Variants in COMMD1 observed in about 807,000 individuals in gnomAD.
COMMD1 encodes COMM domain-containing protein 1.
Under a neutral mutation model 17.2 loss-of-function variants are expected in COMMD1, and 10 were observed. That is an observed-to-expected ratio of 0.58 (90% CI 0.36 to 0.99). The LOEUF is 0.99. Among genes scored for constraint, COMMD1 ranks in the 50% least tolerant of loss-of-function variants. The probability of loss-of-function intolerance (pLI) is 0.01; values close to 1 mark genes in which losing one functional copy is unlikely to be tolerated. For synonymous variants in COMMD1, 97 were observed against 91.6 expected (o/e 1.06, Z -0.34); for missense variants, 270 against 231.8 (o/e 1.17, Z -1.07).
At chr2:61,906,751 AAAAAC>A (rs149143716) in intron 1 of COMMD1, among the ~76,000 whole-genome samples, 1,961 of 152,298 alleles carry the variant, frequency 0.013, 29 homozygotes, top group African/African-American at 0.044. Context: ...TTCTTGAAAA[AAAAAC>A]CTTATATAGT....
chr2:61,963,610 C>T (rs1401202494), intron 1 of COMMD1, among the ~76,000 whole-genome samples: 1 of 152,128 alleles, frequency 6.6e-6, no homozygotes, highest in African/African-American at 2.4e-5. Context: ...TCCCAAAGTG[C>T]TAGGATTACA....
intron 2 of COMMD1, among the ~76,000 whole-genome samples, chr2:62,045,594 G>T (rs1258005345): frequency 6.6e-6 from 1 of 151,044 alleles, no homozygotes; most frequent in Non-Finnish European, 1.5e-5. Flanking sequence ...TAGAGACAGG[G>T]TTTCACTATG....
intron 1 of COMMD1, among the ~76,000 whole-genome samples, chr2:61,954,293 A>G (rs1488260813): frequency 6.6e-6 from 1 of 152,156 alleles, no homozygotes; most frequent in African/African-American, 2.4e-5. Context: ...CTCTGAAATA[A>G]GTTTTTGCTT....
chr2:61,958,478 G>T (rs938156702), intron 1 of COMMD1, among the ~76,000 whole-genome samples: 1 of 152,058 alleles, frequency 6.6e-6, no homozygotes, highest in African/African-American at 2.4e-5. Context: ...TATTGGCCAG[G>T]CTGCTCTTGA....
At chr2:62,007,235 T>C (rs919044184) in intron 2 of COMMD1, among the ~76,000 whole-genome samples, 4 of 152,296 alleles carry the variant, frequency 2.6e-5, no homozygotes, top group Non-Finnish European at 5.9e-5. Flanking sequence ...GGAAGACAGA[T>C]TTTTATATTT....
In COMMD1 at chr2:62,005,140, G is replaced by C. The variant is rs976051455; in HGVS notation, c.462+4158G>C. The stretch of plus-strand genomic sequence containing the variant: ...TCTGTGGGGATGGAACATAGGTATC[G>C]TTATTCTTTAAAGCTGCCCAGATGA... On this transcript the variant is annotated intron_variant, in intron 2 of 2. Transcript: ENST00000311832. Among the ~76,000 whole-genome samples, 9 of 152,274 alleles carry C rather than the reference G, an allele frequency of 5.9e-5. No individual in the cohort carries two copies. The East Asian group carries it at 1.7e-3, about 29-fold the overall frequency.
chr2:62,035,683 G>A (rs1461335633), intron 2 of COMMD1, among the ~76,000 whole-genome samples: 1 of 149,118 alleles, frequency 6.7e-6, no homozygotes, highest in East Asian at 2.0e-4. Context: ...TGGCTGCAGT[G>A]AGATGTGATC....
chr2:61,902,121 G>A (rs541577709), upstream of COMMD1, among the ~76,000 whole-genome samples: 3 of 151,366 alleles, frequency 2.0e-5, no homozygotes, highest in African/African-American at 4.8e-5. Flanking sequence ...GTGAGCCACC[G>A]CACCCGGCCT....
chr2:61,932,995 C>T (rs1426443023), intron 1 of COMMD1, among the ~76,000 whole-genome samples: 5 of 152,020 alleles, frequency 3.3e-5, no homozygotes, highest in African/African-American at 1.2e-4. Flanking sequence ...AGAATCAGGT[C>T]ACACAAACAG....
intron 2 of COMMD1, among the ~76,000 whole-genome samples, chr2:62,127,678 G>T (rs1249602102): frequency 6.6e-6 from 1 of 152,194 alleles, no homozygotes; most frequent in Non-Finnish European, 1.5e-5. Flanking sequence ...GCCATATGCA[G>T]AAAATTGAAA....
chr2:62,133,832 C>CT (rs927982666), intron 2 of COMMD1, among the ~76,000 whole-genome samples: 4 of 151,362 alleles, frequency 2.6e-5, no homozygotes, highest in East Asian at 1.9e-4. Context: ...CTCACCCTCT[C>CT]TTTTTTTTTG....
intron 2 of COMMD1, among the ~76,000 whole-genome samples, chr2:62,122,466 T>C (rs1672776802): frequency 1.3e-5 from 2 of 150,936 alleles, no homozygotes; most frequent in East Asian, 1.9e-4. Context: ...TTTTGTCTAG[T>C]AGTGAAACAA....
Position 61,905,759 on chromosome 2 carries a change from C to T in COMMD1, c.81C>T (p.Tyr27=). The change falls in exon 1 of 3, where the codon TAC becomes TAT. Residue 27 remains tyrosine, a synonymous_variant. Coordinates refer to ENST00000311832, the MANE Select transcript of COMMD1 (RefSeq NM_152516.4). ...NALAQDTFHG[Y]PGITEELLRS... ...TGGCCCAGGACACTTTCCACGGGTA[C>T]CCCGGCATCACAGAGGAGCTGCTAC... is the stretch of plus-strand genomic sequence containing the variant. 1 of 1,614,066 alleles carries T rather than the reference C, an allele frequency of 6.2e-7. No homozygotes were observed. Among genetic ancestry groups the T allele is most frequent in the South Asian group, 1.1e-5 (1 of 91,050 alleles).
intron 2 of COMMD1, among the ~76,000 whole-genome samples, chr2:62,063,479 C>T (rs539558501): frequency 1.0e-3 from 155 of 152,180 alleles, no homozygotes; most frequent in African/African-American, 3.4e-3. Context: ...CGTGAGCCAC[C>T]GCACCTGGCT....
At chr2:61,919,418 C>T (rs1670129427) in intron 1 of COMMD1, among the ~76,000 whole-genome samples, 2 of 151,968 alleles carry the variant, frequency 1.3e-5, no homozygotes, top group Admixed American at 6.6e-5. Flanking sequence ...CGGGCTCAAG[C>T]GATCCTCCCA....
chr2:62,017,305 TC>T, intron 2 of COMMD1, among the ~76,000 whole-genome samples: 1 of 152,280 alleles, frequency 6.6e-6, no homozygotes, highest in East Asian at 1.9e-4. Flanking sequence ...TGATCTTTGA[TC>T]CTGTGATACT....
chr2:61,903,140 T>G (rs1308686657), upstream of COMMD1, among the ~76,000 whole-genome samples: 1 of 152,130 alleles, frequency 6.6e-6, no homozygotes, highest in Admixed American at 6.6e-5. Context: ...AATATATTTT[T>G]TCTATTGTAA....
chr2:62,068,709 C>T (rs1671121560), intron 2 of COMMD1, among the ~76,000 whole-genome samples: 4 of 150,724 alleles, frequency 2.7e-5, no homozygotes, highest in African/African-American at 9.8e-5. Flanking sequence ...ACTGTAACCT[C>T]CGTCTCCTGG....
At chr2:61,894,499 G>A (rs995888606) in intron 1 of COMMD1, among the ~76,000 whole-genome samples, 8 of 151,762 alleles carry the variant, frequency 5.3e-5, no homozygotes, top group Non-Finnish European at 1.0e-4. Context: ...CCAATGTATG[G>A]GTTTACAAGA....
Sources: allele counts gnomAD v4.1 joint callset (sites outside exome capture counted in the v4.1 genomes callset), GRCh38; gene constraint gnomAD v4.1.1; transcripts MANE v1.5; gene names NCBI Gene and HGNC (gene_info 2026-07-23, HGNC 2026-07-21).